Variants in CEP120 observed in about 807,000 individuals in gnomAD.
The protein encoded by CEP120 is centrosomal protein of 120 kDa.
Under a neutral mutation model 126.5 loss-of-function variants are expected in CEP120, and 113 were observed. The ratio of observed to expected loss-of-function variants is 0.89; its 90% confidence interval spans 0.77 to 1.04. CEP120 has a LOEUF of 1.04. Ranked by LOEUF, CEP120 falls within the 50% of genes least tolerant of loss-of-function variation. The pLI, the probability that CEP120 is intolerant of heterozygous loss-of-function variation, is 0.00. For missense variants in CEP120, 1,230 were observed against 1,155.7 expected (o/e 1.06, Z -0.93); for synonymous variants, 400 against 394.3 (o/e 1.01, Z -0.17).
At chr5:123,364,306 A>T (rs1770299346) in intron 18 of CEP120, among the ~76,000 whole-genome samples, 190 bp downstream of exon 18, 1 of 151,632 alleles carries the variant, frequency 6.6e-6, no homozygotes, top group East Asian at 1.9e-4. Context: ...AAAAGACATA[A>T]TTGTTTCAGT....
In CEP120 at chr5:123,422,608, T is replaced by C. The variant is rs183304785; in HGVS notation, c.49+342A>G. On this transcript the variant is annotated intron_variant, in intron 1 of 19. Coordinates refer to ENST00000306467, the MANE Select transcript of CEP120 (RefSeq NM_001375405.1). ...CAAGTCAAAGCTCTTACAAGTGCTA[T>C]TATTGGGAACCGCTGATCAGAACGC... 1.3e-5 allele frequency: 18 copies of C among 1,435,978 alleles called. No individual in the cohort carries two copies. The African/African-American group carries it at 2.2e-4, about 18-fold the overall frequency. The allele number at this position is 1,435,978 out of a possible 1,614,324, so 89.0% of individuals were successfully genotyped here. A position where few individuals can be genotyped will look rare whatever the true frequency, so the allele number is the denominator to read the frequency against.
Position 123,346,271 on chromosome 5 carries a change from T to G in CEP120, c.*248A>C. ...TGAAAGTTAGTTAGCCATCAGATTA[T>G]AAACTATGAAAAACACTGAAAAGTC... On this transcript the variant is annotated 3_prime_UTR_variant, in exon 20 of 20. Coordinates refer to ENST00000306467, the MANE Select transcript of CEP120 (RefSeq NM_001375405.1). 2.6e-6 allele frequency: 1 copy of G among 384,888 alleles called. No homozygotes were observed. The allele number at this position is 384,888 out of a possible 1,614,324, so 23.8% of individuals were successfully genotyped here.
chr5:123,390,463 C>A, intron 7 of CEP120: 1 of 372,134 alleles, frequency 2.7e-6, no homozygotes, highest in South Asian at 2.4e-5. Flanking sequence ...GAACTATACT[C>A]CTAAAGAGAA....
intron 18 of CEP120, among the ~76,000 whole-genome samples, chr5:123,361,754 A>G (rs1770092077): frequency 6.6e-6 from 1 of 151,794 alleles, no homozygotes. Flanking sequence ...CCACCACAGA[A>G]CAGCTTTATG....
chr5:123,351,961 C>T (rs1347990187), intron 18 of CEP120, among the ~76,000 whole-genome samples: 1 of 152,056 alleles, frequency 6.6e-6, no homozygotes, highest in African/African-American at 2.4e-5. Context: ...TTCTTGCCAA[C>T]ACTTCATAAT....
Position 123,346,707 on chromosome 5 carries a change from C to T in CEP120, c.2773G>A (p.Ala925Thr), listed in dbSNP as rs374325373. Residue 925 changes from alanine (A) to threonine (T), a missense_variant, in exon 20 of 20, where the codon GCA (alanine) becomes ACA (threonine). Transcript: ENST00000306467. Reference protein sequence around the residue: ...QKQYQDSTEIASGKKDGPHGS... With the variant: ...QKQYQDSTEITSGKKDGPHGS... ...TGGGGGCCATCCTTTTTTCCACTTG[C>T]AATCTCTGTGGAATCCTGGTATTGT... 5.6e-6 allele frequency: 9 copies of T among 1,613,064 alleles called. 1 individual carries two copies. In the South Asian group the frequency reaches 6.6e-5, roughly 12 times the overall value.
intron 4 of CEP120, chr5:123,401,423 ATCTTAG>A (rs1773226448): frequency 7.1e-7 from 1 of 1,400,446 alleles, no homozygotes; most frequent in African/African-American, 1.4e-5. Flanking sequence ...CATCTCGGAG[ATCTTAG>A]TCTTTGTGCA....
In CEP120 at chr5:123,403,298, G is replaced by A. The variant is rs1417002193; in HGVS notation, c.464-4014C>T. 3.3e-5 allele frequency: 15 copies of A among 456,096 alleles called. 1 individual carries two copies. The highest frequency in any genetic ancestry group is 1.9e-4 in the South Asian group (12 of 64,548). The allele number at this position is 456,096 out of a possible 1,614,324, so 28.3% of individuals were successfully genotyped here. A position where few individuals can be genotyped will look rare whatever the true frequency, so the allele number is the denominator to read the frequency against. ...CCTTAGAGAAATGGCTGAATCCAGAGCTGAGACAGAGTAAGCACAAGATGA... is the reference window on the plus strand; with the variant it reads ...CCTTAGAGAAATGGCTGAATCCAGAACTGAGACAGAGTAAGCACAAGATGA... On this transcript the variant is annotated intron_variant, in intron 4 of 19. Transcript: ENST00000306467.
Position 123,393,498 on chromosome 5 carries a change from C to T in CEP120, c.613-1G>A. 6.2e-7 allele frequency: 1 copy of T among 1,611,710 alleles called. No individual in the cohort carries two copies. The highest frequency in any genetic ancestry group is 2.2e-5 in the East Asian group (1 of 44,848). On this transcript the variant is annotated splice_acceptor_variant, in intron 5 of 19. Coordinates refer to ENST00000306467, the MANE Select transcript of CEP120 (RefSeq NM_001375405.1). LOFTEE classifies it high-confidence loss of function. ...GAAGTTTCATGGTACATGGAATTAACTAAACATTTCAGGAAAAAGAAAACA... is the reference window on the plus strand; with the variant it reads ...GAAGTTTCATGGTACATGGAATTAATTAAACATTTCAGGAAAAAGAAAACA...
intron 1 of CEP120, among the ~76,000 whole-genome samples, chr5:123,419,025 T>C (rs1413851917): frequency 6.6e-6 from 1 of 152,236 alleles, no homozygotes; most frequent in Admixed American, 6.5e-5. Context: ...CTATAATTTA[T>C]AAATGTGTGC....
At chr5:123,362,663 T>TATCATCATAA (rs1770173956) in intron 18 of CEP120, among the ~76,000 whole-genome samples, 1 of 151,728 alleles carries the variant, frequency 6.6e-6, no homozygotes, top group Non-Finnish European at 1.5e-5. Context: ...GCTCTAACAG[T>TATCATCATAA]ATCATCATAG....
chr5:123,392,038 A>G (rs942479000), intron 6 of CEP120, among the ~76,000 whole-genome samples: 1 of 152,162 alleles, frequency 6.6e-6, no homozygotes, highest in Non-Finnish European at 1.5e-5. Context: ...TAGCAAACTT[A>G]GTATTTGAAT....
chr5:123,349,166 C>T (rs1036815520), intron 19 of CEP120, among the ~76,000 whole-genome samples: 4 of 152,160 alleles, frequency 2.6e-5, no homozygotes, highest in South Asian at 2.1e-4. Context: ...GAACGCAGCA[C>T]TACAGAGAAG....
intron 9 of CEP120, among the ~76,000 whole-genome samples, chr5:123,387,699 C>G (rs1030286295): frequency 2.6e-5 from 4 of 152,018 alleles, no homozygotes; most frequent in Non-Finnish European, 5.9e-5. Flanking sequence ...TTTGCAAATG[C>G]TAATGCTTGT....
chr5:123,378,387 A>G lies in CEP120; in HGVS notation c.2145T>C (p.Thr715=), dbSNP rs113911260. 765 of 1,606,334 alleles carry G rather than the reference A, an allele frequency of 4.8e-4. 4 individuals carry two copies. The African/African-American group carries it at 9.0e-3, about 19-fold the overall frequency. ...GCTCTCGCTTCTCCAAGTCAATTAG[A>G]GTTTTTTGAAGTTTTCCTTCTAGAA... ...YTILEGKLQK[T]LIDLEKREQQ... Residue 715 remains threonine, a synonymous_variant, in exon 15 of 20, where the codon ACT becomes ACC. Transcript: ENST00000306467.
intron 19 of CEP120, among the ~76,000 whole-genome samples, chr5:123,349,056 T>C (rs1689141760): frequency 6.6e-6 from 1 of 152,134 alleles, no homozygotes. Flanking sequence ...CTAAGAAGTC[T>C]TCCCCCAAAA....
At position 123,391,214 on chromosome 5, in the gene CEP120, C is replaced by A. The variant is rs1772373370; in HGVS notation, c.934G>T (p.Asp312Tyr). 1 of 1,613,970 alleles carries A rather than the reference C, an allele frequency of 6.2e-7. No homozygotes were observed. Among genetic ancestry groups the A allele is most frequent in the South Asian group, 1.1e-5 (1 of 91,062 alleles). Reference sequence around the variant, plus strand: ...TTCTGTTTGGCTCTGTTTGGAGGGTCAAGGGTAAAAGCACCTTCGACTGTG... The same window carrying A: ...TTCTGTTTGGCTCTGTTTGGAGGGTAAAGGGTAAAAGCACCTTCGACTGTG... ...PVTVEGAFTLDPPNRAKQKLA... is the reference protein window; with the variant it reads ...PVTVEGAFTLYPPNRAKQKLA... The change falls in exon 7 of 20, where the codon GAC becomes TAC. Residue 312 changes from aspartate to tyrosine, a missense_variant. Asp to Tyr is a radical substitution (Grantham distance 160). Coordinates refer to ENST00000306467, the MANE Select transcript of CEP120 (RefSeq NM_001375405.1).
chr5:123,408,704 A>C (rs930415945), intron 4 of CEP120, among the ~76,000 whole-genome samples: 1 of 152,234 alleles, frequency 6.6e-6, no homozygotes, highest in Non-Finnish European at 1.5e-5. Flanking sequence ...AAGAAATTAT[A>C]CCAATTCTCT....
intron 17 of CEP120, among the ~76,000 whole-genome samples, chr5:123,372,024 G>C (rs1270914709): frequency 1.3e-5 from 2 of 152,044 alleles, no homozygotes; most frequent in African/African-American, 4.8e-5. Flanking sequence ...CCTAGCACCT[G>C]AACATTGTTT....
Sources: allele counts gnomAD v4.1 joint callset (sites outside exome capture counted in the v4.1 genomes callset), GRCh38; gene constraint gnomAD v4.1.1; transcripts MANE v1.5; gene names NCBI Gene and HGNC (gene_info 2026-07-23, HGNC 2026-07-21).